The following FSTL4 variants were observed in gnomAD, a reference collection of about 807,000 sequenced individuals.
FSTL4 encodes follistatin-related protein 4.
Under a neutral mutation model 78.2 loss-of-function variants are expected in FSTL4, and 28 were observed. That is an observed-to-expected ratio of 0.36 (90% CI 0.27 to 0.49). The LOEUF is 0.49. FSTL4 is among the 20% of genes least tolerant of loss of function. FSTL4 has a pLI of 0.98. For synonymous variants in FSTL4, 422 were observed against 440.5 expected (o/e 0.96, Z 0.53); for missense variants, 922 against 1,084.9 (o/e 0.85, Z 2.11).
At chr5:133,519,571 G>A (rs544342350) in intron 3 of FSTL4, among the ~76,000 whole-genome samples, 1 of 152,324 alleles carries the variant, frequency 6.6e-6, no homozygotes, top group African/African-American at 2.4e-5. Context: ...ATTTCAACAC[G>A]TCAGCCTTTC....
intron 4 of FSTL4, among the ~76,000 whole-genome samples, chr5:133,372,217 C>CTACCTATG (rs1755321873): frequency 6.8e-6 from 1 of 147,886 alleles, no homozygotes. Flanking sequence ...GGGGAATTAT[C>CTACCTATG]TATCTATGTA....
chr5:133,524,415 C>T (rs1288338654), intron 3 of FSTL4, among the ~76,000 whole-genome samples: 1 of 152,110 alleles, frequency 6.6e-6, no homozygotes, highest in East Asian at 1.9e-4. Flanking sequence ...AGAGTCACAG[C>T]CTCTGGCAAT....
intron 4 of FSTL4, among the ~76,000 whole-genome samples, chr5:133,349,455 C>T (rs1279393071): frequency 6.6e-6 from 1 of 152,216 alleles, no homozygotes; most frequent in African/African-American, 2.4e-5. Flanking sequence ...GTGCAGCCAG[C>T]ACAGCAGAAT....
At chr5:133,250,940 G>A (rs1044986222) in intron 6 of FSTL4, among the ~76,000 whole-genome samples, 10 of 152,214 alleles carry the variant, frequency 6.6e-5, no homozygotes, top group African/African-American at 1.9e-4. Flanking sequence ...CCAATAGGCC[G>A]GTGGGGAGGG....
chr5:133,671,279 A>T, the FSTL4 span, among the ~76,000 whole-genome samples: 1 of 152,118 alleles, frequency 6.6e-6, no homozygotes, highest in Non-Finnish European at 1.5e-5. Context: ...TCAAACTGCA[A>T]ACAATCTATG....
chr5:133,644,526 T>G, the FSTL4 span, among the ~76,000 whole-genome samples: 3 of 152,120 alleles, frequency 2.0e-5, no homozygotes, highest in Admixed American at 1.3e-4. Flanking sequence ...GTGTAATTGT[T>G]GGGATGAGGA....
the FSTL4 span, among the ~76,000 whole-genome samples, chr5:133,625,786 CAT>C: frequency 0.53 from 547 of 1,030 alleles, 159 homozygotes; most frequent in South Asian, 0.79. Flanking sequence ...ATATATATTC[CAT>C]ATATATATAT....
At position 133,234,908 on chromosome 5, in the gene FSTL4, T is replaced by C. The variant is rs193260408; in HGVS notation, c.895-1371A>G. 1.8e-3 allele frequency among the ~76,000 whole-genome samples: 275 copies of C among 152,342 alleles called. 3 individuals carry two copies. The highest frequency in any genetic ancestry group is 0.018 in the Admixed American group (272 of 15,300). ...TACACAGGGGATGTTATTTTTCTTGTTATTATTAGCAGAAGATGCAAAACT... is the reference window on the plus strand; with the variant it reads ...TACACAGGGGATGTTATTTTTCTTGCTATTATTAGCAGAAGATGCAAAACT... On this transcript the variant is annotated intron_variant, in intron 7 of 15. Transcript: ENST00000265342.
intron 3 of FSTL4, among the ~76,000 whole-genome samples, chr5:133,481,871 A>T (rs1475785141): frequency 6.6e-6 from 1 of 152,226 alleles, no homozygotes; most frequent in African/African-American, 2.4e-5. Context: ...TAAATCTCCA[A>T]TGCCTCTCTG....
intron 4 of FSTL4, among the ~76,000 whole-genome samples, chr5:133,390,210 C>T (rs996864679): frequency 3.3e-5 from 5 of 152,212 alleles, no homozygotes; most frequent in East Asian, 1.9e-4. Flanking sequence ...AATAAGTGGA[C>T]GGAGTTCACT....
At chr5:133,470,991 TGAG>T (rs1757816485) in intron 3 of FSTL4, among the ~76,000 whole-genome samples, 1 of 151,914 alleles carries the variant, frequency 6.6e-6, no homozygotes. Context: ...GACAGAAACC[TGAG>T]AAGAGGAAGT....
the FSTL4 span, among the ~76,000 whole-genome samples, chr5:133,738,630 T>C: frequency 2.0e-5 from 3 of 152,192 alleles, no homozygotes; most frequent in African/African-American, 7.2e-5. Flanking sequence ...CAGGCCCTGA[T>C]GCTGTCTTAC....
intron 3 of FSTL4, among the ~76,000 whole-genome samples, chr5:133,500,528 T>C (rs1195187141): frequency 5.3e-5 from 8 of 152,128 alleles, no homozygotes; most frequent in Non-Finnish European, 1.0e-4. Context: ...CCTGGAACTT[T>C]ACCTCGGCAA....
chr5:133,275,484 C>T (rs768134453), intron 6 of FSTL4, among the ~76,000 whole-genome samples: 9 of 151,802 alleles, frequency 5.9e-5, no homozygotes, highest in African/African-American at 9.7e-5. Context: ...CGCTTGAACC[C>T]GGAAGGCGGT....
chr5:133,214,331 C>T (rs1218096457), intron 13 of FSTL4, among the ~76,000 whole-genome samples: 3 of 152,186 alleles, frequency 2.0e-5, no homozygotes, highest in Non-Finnish European at 4.4e-5. Context: ...AGTATGTTCT[C>T]TGGCCAGGGG....
Position 133,482,698 on chromosome 5 carries a change from A to T in FSTL4, c.161-81712T>A, listed in dbSNP as rs78861118. 3.3e-3 allele frequency among the ~76,000 whole-genome samples: 498 copies of T among 152,346 alleles called. 3 individuals are homozygous for T. The highest frequency in any genetic ancestry group is 0.011 in the African/African-American group (472 of 41,580). On this transcript the variant is annotated intron_variant, in intron 3 of 15. Coordinates refer to ENST00000265342, the MANE Select transcript of FSTL4 (RefSeq NM_015082.2). ...ACAGCACATGGCTTGCAGGGTGTGC[A>T]GGTAAGGAGAAGGTGTTGGTATGCA...
chr5:133,305,145 C>T (rs1050109435), intron 6 of FSTL4, among the ~76,000 whole-genome samples: 1 of 152,330 alleles, frequency 6.6e-6, no homozygotes. Flanking sequence ...CAGTCATCAC[C>T]GGAGGCCTTC....
the FSTL4 span, among the ~76,000 whole-genome samples, chr5:133,727,884 A>C: frequency 6.6e-6 from 1 of 152,186 alleles, no homozygotes; most frequent in African/African-American, 2.4e-5. Flanking sequence ...TGCTGGCCTG[A>C]GGACACCTAT....
the FSTL4 span, among the ~76,000 whole-genome samples, chr5:133,708,648 C>A: frequency 1.3e-5 from 2 of 152,218 alleles, no homozygotes; most frequent in South Asian, 4.1e-4. Context: ...CATGTGTTCC[C>A]TAGGCACAGA....
Sources: allele counts gnomAD v4.1 joint callset (sites outside exome capture counted in the v4.1 genomes callset), GRCh38; gene constraint gnomAD v4.1.1; transcripts MANE v1.5; gene names NCBI Gene and HGNC (gene_info 2026-07-23, HGNC 2026-07-21).